The following PLCH1 variants were observed in gnomAD, a reference collection of about 807,000 sequenced individuals.
PLCH1 encodes the protein phospholipase C eta 1.
A neutral mutation model predicts 126.7 loss-of-function variants in PLCH1; 60 were observed. The observed-to-expected ratio is 0.47, with a 90% confidence interval of 0.38 to 0.59. PLCH1 has a LOEUF of 0.59. Among genes scored for constraint, PLCH1 ranks in the 20% least tolerant of loss-of-function variants. The probability of loss-of-function intolerance (pLI) is 0.00; values close to 1 mark genes in which losing one functional copy is unlikely to be tolerated. For synonymous variants in PLCH1, 719 were observed against 734.9 expected (o/e 0.98, Z 0.35); for missense variants, 1,723 against 2,040.0 (o/e 0.84, Z 2.99).
intron 21 of PLCH1, among the ~76,000 whole-genome samples, chr3:155,459,928 A>T (rs947459894): frequency 3.9e-5 from 6 of 152,206 alleles, no homozygotes; most frequent in Non-Finnish European, 8.8e-5. Flanking sequence ...GATCAGCAGC[A>T]TTAGCACCAT....
intron 8 of PLCH1, among the ~76,000 whole-genome samples, chr3:155,557,112 A>G (rs1179158520): frequency 6.6e-6 from 1 of 152,206 alleles, no homozygotes; most frequent in Non-Finnish European, 1.5e-5. Context: ...AGTGTCTACT[A>G]TTCCTTGGGG....
rs572856162 is a variant in PLCH1, at chr3:155,594,583, T to A, written c.227-399A>T. ...GCAAGATTCCATCTCCAAAAAAAAA[T>A]AAATAAGTAAGTATGAAAAAATTCA... On this transcript the variant is annotated intron_variant, in intron 3 of 22. Transcript: ENST00000460012. Among the ~76,000 whole-genome samples, 13 of 151,886 alleles carry A rather than the reference T, an allele frequency of 8.6e-5. No individual in the cohort carries two copies. The South Asian group carries it at 1.0e-3, about 12-fold the overall frequency.
At chr3:155,604,082 G>C (rs1459613600) in intron 2 of PLCH1, among the ~76,000 whole-genome samples, 4 of 152,112 alleles carry the variant, frequency 2.6e-5, no homozygotes, top group Non-Finnish European at 5.9e-5. Context: ...CTGGGAGATA[G>C]AGCAAGACCC....
intron 4 of PLCH1, among the ~76,000 whole-genome samples, chr3:155,589,458 T>C (rs1382049364): frequency 2.6e-5 from 4 of 152,308 alleles, no homozygotes; most frequent in African/African-American, 9.6e-5. Flanking sequence ...TTTAACCATT[T>C]AAAACCCATT....
intron 22 of PLCH1, among the ~76,000 whole-genome samples, chr3:155,484,098 T>G (rs998162864): frequency 6.6e-6 from 1 of 152,220 alleles, no homozygotes; most frequent in African/African-American, 2.4e-5. Flanking sequence ...CTGCTTTTTC[T>G]GTACTTAATG....
intron 4 of PLCH1, among the ~76,000 whole-genome samples, chr3:155,591,908 T>C (rs1397503499): frequency 6.6e-6 from 1 of 152,004 alleles, no homozygotes; most frequent in Non-Finnish European, 1.5e-5. Flanking sequence ...GTCTCACTAT[T>C]TTGCCGAGAC....
chr3:155,717,250 G>A (rs753111500), intron 1 of PLCH1, among the ~76,000 whole-genome samples: 54 of 152,240 alleles, frequency 3.5e-4, no homozygotes, highest in Non-Finnish European at 3.5e-4. Flanking sequence ...GGGAGCCTGT[G>A]GCTTTTCCTG....
At chr3:155,470,942 G>A (rs1262825278) in intron 21 of PLCH1, among the ~76,000 whole-genome samples, 2 of 151,982 alleles carry the variant, frequency 1.3e-5, no homozygotes, top group South Asian at 2.1e-4. Flanking sequence ...AACATGGAAA[G>A]GAACAACCAG....
chr3:155,721,017 G>T (rs1342653614), intron 1 of PLCH1, among the ~76,000 whole-genome samples: 3 of 152,178 alleles, frequency 2.0e-5, no homozygotes, highest in Non-Finnish European at 2.9e-5. Context: ...TTGAAGATCA[G>T]TTGGCTGTAT....
chr3:155,703,867 G>A (rs149566307), intron 2 of PLCH1, among the ~76,000 whole-genome samples: 169 of 152,284 alleles, frequency 1.1e-3, no homozygotes, highest in Admixed American at 9.5e-3. Context: ...GATATTACTG[G>A]AGTTGACAGT....
intron 6 of PLCH1, among the ~76,000 whole-genome samples, chr3:155,578,103 C>T (rs767514064): frequency 1.3e-5 from 2 of 152,138 alleles, no homozygotes; most frequent in Non-Finnish European, 1.5e-5. Flanking sequence ...CTTTCCAGTA[C>T]ACTATGAGAG....
At chr3:155,511,939 C>T (rs989565719) in intron 12 of PLCH1, among the ~76,000 whole-genome samples, 2 of 152,168 alleles carry the variant, frequency 1.3e-5, no homozygotes, top group Admixed American at 1.3e-4. Context: ...TGGCGGGCGC[C>T]CCTCCCCCAG....
rs7620903 is a variant in PLCH1, at chr3:155,713,158, C to T, written c.-40-8894G>A. On this transcript the variant is annotated intron_variant, in intron 1 of 22. Transcript: ENST00000460012. ...CAGCACCAGTTCCTCCCTGACATTCCGCTTCCCTATAAAAAGAACCTAGAG... is the reference window on the plus strand; with the variant it reads ...CAGCACCAGTTCCTCCCTGACATTCTGCTTCCCTATAAAAAGAACCTAGAG... 9.4e-3 allele frequency among the ~76,000 whole-genome samples: 1,428 copies of T among 152,216 alleles called. 23 individuals are homozygous for T. The highest frequency in any genetic ancestry group is 0.033 in the African/African-American group (1,364 of 41,518).
chr3:155,549,756 T>C (rs1475003304), intron 10 of PLCH1, 31 bp downstream of exon 10: 5 of 1,513,232 alleles, frequency 3.3e-6, no homozygotes, highest in Non-Finnish European at 1.8e-6. Context: ...TGATAATGAA[T>C]GTCTTTTATT....
At chr3:155,521,361 C>T (rs539322404) in intron 11 of PLCH1, among the ~76,000 whole-genome samples, 91 of 152,198 alleles carry the variant, frequency 6.0e-4, no homozygotes, top group Non-Finnish European at 9.0e-4. Context: ...ATACCTACAA[C>T]AATGATGAGC....
intron 21 of PLCH1, among the ~76,000 whole-genome samples, chr3:155,470,317 A>C (rs1713146921): frequency 6.6e-6 from 1 of 152,242 alleles, no homozygotes; most frequent in Non-Finnish European, 1.5e-5. Flanking sequence ...ACTGGAAGAA[A>C]GGGTATCAGC....
chr3:155,737,471 A>G (rs1270136508), intron 1 of PLCH1, among the ~76,000 whole-genome samples: 1 of 151,826 alleles, frequency 6.6e-6, no homozygotes, highest in Non-Finnish European at 1.5e-5. Context: ...TGCAGGGATT[A>G]CAAGCGTGAG....
chr3:155,710,472 A>G (rs1267150945), intron 1 of PLCH1, among the ~76,000 whole-genome samples: 1 of 152,216 alleles, frequency 6.6e-6, no homozygotes, highest in East Asian at 1.9e-4. Flanking sequence ...GAATCCTTAC[A>G]ATGATTCAAA....
At chr3:155,466,471 C>A (rs1712935295) in intron 21 of PLCH1, among the ~76,000 whole-genome samples, 1 of 152,140 alleles carries the variant, frequency 6.6e-6, no homozygotes, top group Non-Finnish European at 1.5e-5. Flanking sequence ...GCTGAGATCA[C>A]AACACTCAAA....
Sources: allele counts gnomAD v4.1 joint callset (sites outside exome capture counted in the v4.1 genomes callset), GRCh38; gene constraint gnomAD v4.1.1; transcripts MANE v1.5; gene names NCBI Gene and HGNC (gene_info 2026-07-23, HGNC 2026-07-21).